FHIT: variants seen among roughly 807,000 people sequenced by gnomAD.
FHIT encodes bis(5'-adenosyl)-triphosphatase.
A neutral mutation model predicts 17.9 loss-of-function variants in FHIT; 19 were observed. That is an observed-to-expected ratio of 1.06 (90% CI 0.74 to 1.56). The LOEUF is 1.56. FHIT is among the 40% of genes most tolerant of loss of function. FHIT has a pLI of 0.00. For missense variants in FHIT, 248 were observed against 189.2 expected (o/e 1.31, Z -1.82); for synonymous variants, 81 against 69.7 (o/e 1.16, Z -0.81).
At chr3:60,340,154 G>A (rs1710444844) in intron 5 of FHIT, among the ~76,000 whole-genome samples, 1 of 152,140 alleles carries the variant, frequency 6.6e-6, no homozygotes, top group African/African-American at 2.4e-5. Context: ...TACAGAAACA[G>A]TGATATGATT....
intron 4 of FHIT, among the ~76,000 whole-genome samples, chr3:60,616,150 CAT>C (rs1242443185): frequency 1.3e-5 from 2 of 152,190 alleles, no homozygotes; most frequent in East Asian, 3.8e-4. Flanking sequence ...TTGAGTCCAA[CAT>C]GTGTGTATAT....
chr3:59,962,246 CT>C, intron 7 of FHIT, among the ~76,000 whole-genome samples: 1 of 152,312 alleles, frequency 6.6e-6, no homozygotes, highest in East Asian at 1.9e-4. Flanking sequence ...TATAATCAGC[CT>C]TCTGTTTTTG....
chr3:59,995,037 G>A (rs1254235766), intron 7 of FHIT, among the ~76,000 whole-genome samples: 7 of 152,042 alleles, frequency 4.6e-5, no homozygotes, highest in Non-Finnish European at 8.8e-5. Flanking sequence ...AAGAACCATC[G>A]ATCTCCAACT....
At chr3:59,840,621 T>G (rs769622677) in intron 8 of FHIT, among the ~76,000 whole-genome samples, 2 of 152,110 alleles carry the variant, frequency 1.3e-5, no homozygotes, top group Admixed American at 6.6e-5. Context: ...TATAATTTTG[T>G]GTGTAGAAGC....
At position 60,533,964 on chromosome 3, in the gene FHIT, G is replaced by A. The variant is rs75162716; in HGVS notation, c.103+2896C>T. 3.3e-5 allele frequency among the ~76,000 whole-genome samples: 5 copies of A among 152,242 alleles called. No individual in the cohort carries two copies. The East Asian group carries it at 9.7e-4, about 29-fold the overall frequency. On this transcript the variant is annotated intron_variant, in intron 5 of 9. Coordinates refer to ENST00000492590, the MANE Select transcript of FHIT (RefSeq NM_002012.4). ...AAATCTAGATGAACCACACCTAAGG[G>A]CTAGACTAGGGCAGGCAGGAGAGAA...
chr3:60,254,665 C>T (rs925965478), intron 5 of FHIT, among the ~76,000 whole-genome samples: 7 of 152,154 alleles, frequency 4.6e-5, no homozygotes, highest in African/African-American at 1.7e-4. Context: ...TGGACTTGGA[C>T]ATTAAATCAA....
chr3:59,899,957 G>A (rs1332492621), intron 8 of FHIT, among the ~76,000 whole-genome samples: 1 of 152,212 alleles, frequency 6.6e-6, no homozygotes, highest in African/African-American at 2.4e-5. Context: ...TTTAGGCTTT[G>A]CCGGCCATAG....
At chr3:61,053,789 G>T (rs2034115452) in intron 2 of FHIT, among the ~76,000 whole-genome samples, 1 of 152,154 alleles carries the variant, frequency 6.6e-6, no homozygotes, top group Non-Finnish European at 1.5e-5. Flanking sequence ...ATTAGTAAAG[G>T]AGGGCAAGGA....
Position 60,436,234 on chromosome 3 carries a change from G to A in FHIT, c.103+100626C>T, listed in dbSNP as rs1200709332. The stretch of plus-strand genomic sequence containing the variant: ...AGCTAATTTTTGTAATTTTAGTAGA[G>A]ATGGGAGATTTCACCATGTTGGCCA... On this transcript the variant is annotated intron_variant, in intron 5 of 9. Transcript: ENST00000492590. 7.9e-5 allele frequency among the ~76,000 whole-genome samples: 12 copies of A among 151,904 alleles called. 1 individual carries two copies. The highest frequency in any genetic ancestry group is 7.9e-4 in the Admixed American group (12 of 15,238).
chr3:60,732,684 C>CTTGTTTTTT (rs2042055772), intron 4 of FHIT: 1 of 166,694 alleles, frequency 6.0e-6, no homozygotes, highest in Non-Finnish European at 1.1e-5. Context: ...GCAAAGACTG[C>CTTGTTTTTT]TTTTTTTTTT....
intron 4 of FHIT, among the ~76,000 whole-genome samples, chr3:60,566,722 C>T (rs1006164269): frequency 8.5e-5 from 13 of 152,168 alleles, no homozygotes; most frequent in African/African-American, 2.4e-4. Flanking sequence ...ATTGTCTCAG[C>T]CCAAAATCTC....
At chr3:60,676,774 A>G (rs1196704552) in intron 4 of FHIT, among the ~76,000 whole-genome samples, 1 of 152,216 alleles carries the variant, frequency 6.6e-6, no homozygotes, top group Non-Finnish European at 1.5e-5. Flanking sequence ...CAAATGCAAG[A>G]AGGAACCAGG....
chr3:60,863,073 G>C (rs1269480166), intron 3 of FHIT, among the ~76,000 whole-genome samples: 1 of 152,090 alleles, frequency 6.6e-6, no homozygotes, highest in African/African-American at 2.4e-5. Flanking sequence ...AAGCAGAAGA[G>C]GATGCAGGAG....
In FHIT at chr3:61,189,110, G is replaced by T. The variant is rs200697579; in HGVS notation, c.-164+11507C>A. ...CGATCAGGCAGGAGAAGGAAATAAA[G>T]GGTATTGAATTAGGAAAAGAGGAAG... On this transcript the variant is annotated intron_variant, in intron 2 of 9. Coordinates refer to ENST00000492590, the MANE Select transcript of FHIT (RefSeq NM_002012.4). 4.6e-5 allele frequency among the ~76,000 whole-genome samples: 7 copies of T among 152,272 alleles called. No homozygotes were observed. The East Asian group carries it at 1.4e-3, about 29-fold the overall frequency.
chr3:60,453,829 A>G (rs958498837), intron 5 of FHIT, among the ~76,000 whole-genome samples: 3 of 152,226 alleles, frequency 2.0e-5, no homozygotes, highest in Admixed American at 2.0e-4. Context: ...AAGTGTCACA[A>G]TAAGCTATAT....
At chr3:60,651,923 T>C (rs1327363932) in intron 4 of FHIT, among the ~76,000 whole-genome samples, 1 of 152,128 alleles carries the variant, frequency 6.6e-6, no homozygotes, top group Non-Finnish European at 1.5e-5. Context: ...ACTTTCTAAA[T>C]GATACTAAAG....
intron 8 of FHIT, among the ~76,000 whole-genome samples, chr3:59,864,822 A>AAGAGAG (rs58009000): frequency 1.4e-5 from 2 of 146,860 alleles, no homozygotes; most frequent in African/African-American, 5.1e-5. Flanking sequence ...AATTATATGA[A>AAGAGAG]AGAGAGAGAG....
At chr3:60,617,123 G>C (rs987939871) in intron 4 of FHIT, 1 of 218,976 alleles carries the variant, frequency 4.6e-6, no homozygotes, top group South Asian at 7.9e-5. Context: ...ATGTTTCTTC[G>C]TTCCAAAGGA....
At chr3:59,825,913 C>A (rs111342999) in intron 8 of FHIT, among the ~76,000 whole-genome samples, 367 of 152,268 alleles carry the variant, frequency 2.4e-3, no homozygotes, top group African/African-American at 8.1e-3. Context: ...AACCATCCAG[C>A]CATCCATCTA....
Sources: allele counts gnomAD v4.1 joint callset (sites outside exome capture counted in the v4.1 genomes callset), GRCh38; gene constraint gnomAD v4.1.1; transcripts MANE v1.5; gene names NCBI Gene and HGNC (gene_info 2026-07-23, HGNC 2026-07-21).